Variants in CTNNA2 observed in about 807,000 individuals in gnomAD.
CTNNA2 encodes catenin alpha-2.
CTNNA2 carries 42 observed loss-of-function variants against 101.0 expected under a neutral mutation model. The ratio of observed to expected loss-of-function variants is 0.42; its 90% confidence interval spans 0.32 to 0.54. The LOEUF is 0.54. CTNNA2 is among the 20% of genes least tolerant of loss of function. The pLI, the probability that CTNNA2 is intolerant of heterozygous loss-of-function variation, is 0.14. For missense variants in CTNNA2, 871 were observed against 1,223.1 expected (o/e 0.71, Z 4.29); for synonymous variants, 450 against 456.4 (o/e 0.99, Z 0.18).
In CTNNA2 at chr2:79,308,062, G is replaced by A. The variant is rs986044484; in HGVS notation, c.-405-4647G>A. ...TGATTTGTCCATTTTTATTTATTTC[G>A]AGATTGAGTTTTGCTCTTGTTGCCC... On this transcript the variant is annotated intron_variant, in intron 2 of 21. Transcript: ENST00000466387. Among the ~76,000 whole-genome samples the A allele has an allele frequency of 2.6e-5, 4 of 151,896 alleles. No individual in the cohort carries two copies. The South Asian group carries it at 6.2e-4, about 24-fold the overall frequency.
intron 9 of CTNNA2, among the ~76,000 whole-genome samples, chr2:80,421,115 A>C (rs1296817301): frequency 1.3e-5 from 2 of 152,098 alleles, no homozygotes; most frequent in Admixed American, 6.5e-5. Context: ...GCGGAGAAGG[A>C]GGAGGATATG....
chr2:79,393,542 T>TGCCA (rs1678197061), intron 4 of CTNNA2, among the ~76,000 whole-genome samples: 1 of 150,246 alleles, frequency 6.7e-6, no homozygotes, highest in South Asian at 2.1e-4. Context: ...GTAGCAAGTT[T>TGCCA]GCCAGCCACT....
At chr2:79,829,805 C>T (rs932002779) in intron 3 of CTNNA2, among the ~76,000 whole-genome samples, 2 of 151,514 alleles carry the variant, frequency 1.3e-5, no homozygotes, top group East Asian at 2.0e-4. Flanking sequence ...CTGCAAGCTC[C>T]GCCTCCCGGG....
chr2:79,663,323 T>A (rs2104538603), intron 2 of CTNNA2, among the ~76,000 whole-genome samples: 1 of 152,342 alleles, frequency 6.6e-6, no homozygotes, highest in Middle Eastern at 3.4e-3. Context: ...TTTGATCATG[T>A]CATTCTCTTA....
At position 80,498,991 on chromosome 2, in the gene CTNNA2, A is replaced by C. The variant is rs1302320112; in HGVS notation, c.1291-45991A>C. ...AGATGCACTTAAAATAAAGGTGTCTATCAAGCAGTAAGTAACGTGATTTCT... is the reference window on the plus strand; with the variant it reads ...AGATGCACTTAAAATAAAGGTGTCTCTCAAGCAGTAAGTAACGTGATTTCT... On this transcript the variant is annotated intron_variant, in intron 9 of 18. Transcript: ENST00000402739. Among the ~76,000 whole-genome samples the C allele has an allele frequency of 2.0e-5, 3 of 152,320 alleles. No individual in the cohort carries two copies. The East Asian group carries it at 5.8e-4, about 29-fold the overall frequency.
At chr2:79,298,254 G>A (rs1174590645) in intron 2 of CTNNA2, among the ~76,000 whole-genome samples, 1 of 152,154 alleles carries the variant, frequency 6.6e-6, no homozygotes, top group Non-Finnish European at 1.5e-5. Context: ...AAGAGAGATA[G>A]GTGGAGATGC....
intron 2 of CTNNA2, among the ~76,000 whole-genome samples, chr2:79,276,707 T>C (rs1675221380): frequency 6.6e-6 from 1 of 152,104 alleles, no homozygotes; most frequent in Admixed American, 6.6e-5. Context: ...TTTGTACTAC[T>C]TTTCCTTTCA....
At chr2:79,526,061 A>G (rs1386076626) in intron 1 of CTNNA2, among the ~76,000 whole-genome samples, 1 of 152,026 alleles carries the variant, frequency 6.6e-6, no homozygotes. Context: ...TGCTCATTTT[A>G]TCTTACAGTT....
chr2:80,108,218 C>A lies in CTNNA2; in HGVS notation c.1056+198421C>A, dbSNP rs147157556. The stretch of plus-strand genomic sequence containing the variant: ...CCAGAGGGGAGCAGCCTTGGGTAGC[C>A]TAGGCTTTGGGGCCCTGAGGAAGGT... On this transcript the variant is annotated intron_variant, in intron 7 of 18. Coordinates refer to ENST00000402739, the MANE Select transcript of CTNNA2 (RefSeq NM_001282597.3). Among the ~76,000 whole-genome samples, 428 of 152,210 alleles carry A rather than the reference C, an allele frequency of 2.8e-3. 3 individuals carry two copies. Among genetic ancestry groups the A allele is most frequent in the African/African-American group, 9.8e-3 (408 of 41,522 alleles).
intron 7 of CTNNA2, among the ~76,000 whole-genome samples, chr2:80,252,413 A>T (rs1323763651): frequency 6.6e-6 from 1 of 152,190 alleles, no homozygotes; most frequent in Non-Finnish European, 1.5e-5. Flanking sequence ...GTTAGCTAGA[A>T]TCTTTGCTGT....
chr2:79,317,100 G>C (rs1189445213), intron 3 of CTNNA2, among the ~76,000 whole-genome samples: 1 of 151,920 alleles, frequency 6.6e-6, no homozygotes, highest in Non-Finnish European at 1.5e-5. Context: ...TGTTGTTGTG[G>C]TGGTGGTTTT....
intron 7 of CTNNA2, among the ~76,000 whole-genome samples, chr2:79,930,300 GAAAGAAAGAAAGAAAGAA>G (rs1687327301): frequency 1.2e-4 from 4 of 34,478 alleles, no homozygotes; most frequent in African/African-American, 5.0e-4. Context: ...GAAAGAGAAA[GAAAGAAAGAAAGAAAGAA>G]AGAAAGAAAG....
intron 3 of CTNNA2, among the ~76,000 whole-genome samples, chr2:79,372,073 C>T (rs6759155): frequency 0.62 from 93,596 of 151,914 alleles, 29,019 homozygotes; most frequent in Admixed American, 0.68. Flanking sequence ...TACCTGGGCC[C>T]TTGCCTGGAC....
At chr2:79,568,855 C>A (rs2685158) in intron 1 of CTNNA2, among the ~76,000 whole-genome samples, 1 of 47,302 alleles carries the variant, frequency 2.1e-5, no homozygotes, top group South Asian at 9.6e-4. Context: ...CATTCTGTTT[C>A]TACAAAAAAA....
intron 4 of CTNNA2, among the ~76,000 whole-genome samples, chr2:79,417,955 G>A (rs896769801): frequency 6.6e-6 from 1 of 152,062 alleles, no homozygotes; most frequent in Non-Finnish European, 1.5e-5. Context: ...GTGGGAAATG[G>A]AATTATTATT....
At chr2:79,361,355 G>A (rs1282751746) in intron 3 of CTNNA2, among the ~76,000 whole-genome samples, 1 of 152,070 alleles carries the variant, frequency 6.6e-6, no homozygotes, top group Non-Finnish European at 1.5e-5. Context: ...ACAATGAATA[G>A]GAAGCTTCCC....
chr2:79,189,864 T>G (rs1472051450), intron 1 of CTNNA2, among the ~76,000 whole-genome samples: 1 of 152,094 alleles, frequency 6.6e-6, no homozygotes, highest in Non-Finnish European at 1.5e-5. Context: ...ATCGCAAAGG[T>G]GCAAAGAAAT....
At chr2:80,459,632 T>G (rs1229653213) in intron 9 of CTNNA2, among the ~76,000 whole-genome samples, 1 of 152,202 alleles carries the variant, frequency 6.6e-6, no homozygotes, top group East Asian at 1.9e-4. Flanking sequence ...AGTGCTCCAA[T>G]TCCTAACCTG....
intron 7 of CTNNA2, among the ~76,000 whole-genome samples, chr2:80,363,296 T>C (rs1013860228): frequency 5.9e-5 from 9 of 152,102 alleles, no homozygotes; most frequent in Admixed American, 5.9e-4. Context: ...GTACTTCGAT[T>C]TGACAGATTT....
Sources: allele counts gnomAD v4.1 joint callset (sites outside exome capture counted in the v4.1 genomes callset), GRCh38; gene constraint gnomAD v4.1.1; transcripts MANE v1.5; gene names NCBI Gene and HGNC (gene_info 2026-07-23, HGNC 2026-07-21).